Variants in SKAP1 observed in about 807,000 individuals in gnomAD.
The protein encoded by SKAP1 is src kinase-associated phosphoprotein 1.
SKAP1 carries 44 observed loss-of-function variants against 58.5 expected under a neutral mutation model. The observed-to-expected ratio is 0.75, with a 90% CI of 0.59 to 0.97. The LOEUF (loss-of-function observed/expected upper bound fraction) is 0.97. Among genes scored for constraint, SKAP1 ranks in the 50% least tolerant of loss-of-function variants. The pLI is 0.00. For synonymous variants in SKAP1, 127 were observed against 149.7 expected, an observed-to-expected ratio of 0.85 and a Z score of 1.11; for missense variants, 390 against 435.2, an observed-to-expected ratio of 0.90 and a Z score of 0.92.
At chr17:48,277,536 T>C (rs2065715761) in intron 4 of SKAP1, among the ~76,000 whole-genome samples, 1 of 152,216 alleles carries the variant, frequency 6.6e-6, no homozygotes, top group Non-Finnish European at 1.5e-5. Flanking sequence ...AACAGCCTTT[T>C]CAATTCCCAC....
the SKAP1 span, among the ~76,000 whole-genome samples, chr17:48,436,077 C>T: frequency 1.4e-5 from 2 of 146,806 alleles, no homozygotes; most frequent in Admixed American, 6.8e-5. Context: ...AATGTCTATT[C>T]TTTTTTTTTT....
intron 4 of SKAP1, among the ~76,000 whole-genome samples, chr17:48,303,370 C>T (rs932597307): frequency 2.0e-5 from 3 of 152,228 alleles, no homozygotes; most frequent in African/African-American, 7.2e-5. Flanking sequence ...TTTCTCATCT[C>T]AACCACTTCA....
At chr17:48,268,897 A>G (rs1476973239) in intron 4 of SKAP1, among the ~76,000 whole-genome samples, 1 of 152,186 alleles carries the variant, frequency 6.6e-6, no homozygotes, top group East Asian at 1.9e-4. Context: ...TAAAGGGGTG[A>G]AAATAGCATT....
chr17:48,236,355 G>A (rs966792225), intron 4 of SKAP1, among the ~76,000 whole-genome samples: 28 of 152,222 alleles, frequency 1.8e-4, no homozygotes, highest in Admixed American at 1.6e-3. Flanking sequence ...TTCTTTGGGA[G>A]CACAGAGAGG....
At chr17:48,201,616 G>A (rs1323687968) in intron 4 of SKAP1, among the ~76,000 whole-genome samples, 1 of 151,958 alleles carries the variant, frequency 6.6e-6, no homozygotes, top group Non-Finnish European at 1.5e-5. Context: ...TGAACTCCTG[G>A]TCTCAAACTT....
At chr17:48,314,164 A>G (rs1021527624) in intron 4 of SKAP1, among the ~76,000 whole-genome samples, 1 of 152,236 alleles carries the variant, frequency 6.6e-6, no homozygotes, top group African/African-American at 2.4e-5. Flanking sequence ...AGAGTAAACA[A>G]AGAAGAAATT....
chr17:48,217,689 A>G (rs965121678), intron 4 of SKAP1, among the ~76,000 whole-genome samples: 4 of 152,104 alleles, frequency 2.6e-5, no homozygotes, highest in Non-Finnish European at 5.9e-5. Flanking sequence ...TAAAAATTAT[A>G]TGGAGTCCAC....
intron 4 of SKAP1, chr17:48,307,962 A>G (rs1180313091): frequency 2.0e-5 from 3 of 152,206 alleles, no homozygotes; most frequent in Non-Finnish European, 2.9e-5. Flanking sequence ...TACTTTGAAC[A>G]TAGCAAGTCC....
intron 4 of SKAP1, among the ~76,000 whole-genome samples, chr17:48,337,788 C>A (rs192266928): frequency 2.0e-5 from 3 of 152,184 alleles, no homozygotes; most frequent in East Asian, 3.9e-4. Flanking sequence ...CTGAAACTTG[C>A]AAGAAATCAT....
intron 6 of SKAP1, among the ~76,000 whole-genome samples, chr17:48,187,547 T>C (rs2064474180): frequency 1.4e-5 from 2 of 144,280 alleles, no homozygotes; most frequent in Non-Finnish European, 2.9e-5. Context: ...GTTCTTTTTA[T>C]TTTTTTTAAA....
intron 2 of SKAP1, among the ~76,000 whole-genome samples, chr17:48,394,596 C>A (rs2067392281): frequency 6.6e-6 from 1 of 152,206 alleles, no homozygotes; most frequent in Non-Finnish European, 1.5e-5. Context: ...TGGCCTCAGC[C>A]TCCCAAAGTG....
the SKAP1 span, among the ~76,000 whole-genome samples, chr17:48,439,025 A>G: frequency 1.1e-3 from 168 of 152,374 alleles, no homozygotes; most frequent in African/African-American, 3.8e-3. Flanking sequence ...TAGAAACTAA[A>G]TCAAACAGAT....
intron 1 of SKAP1, among the ~76,000 whole-genome samples, chr17:48,421,557 G>C (rs2067794034): frequency 6.6e-6 from 1 of 152,004 alleles, no homozygotes; most frequent in African/African-American, 2.4e-5. Flanking sequence ...TACCCACCTT[G>C]GCCTCCCGAA....
intron 11 of SKAP1, 112 bp from the exon 12 acceptor site, chr17:48,137,449 A>T (rs1439605259): frequency 3.7e-5 from 26 of 695,486 alleles, no homozygotes; most frequent in Non-Finnish European, 5.8e-5. Context: ...TGCCATTATC[A>T]CTGTGAACTG....
chr17:48,368,201 C>T (rs2067035003), intron 2 of SKAP1, among the ~76,000 whole-genome samples: 1 of 152,178 alleles, frequency 6.6e-6, no homozygotes, highest in South Asian at 2.1e-4. Flanking sequence ...CAGATTAGTC[C>T]CTGCTGGACA....
At chr17:48,274,793 C>T (rs1378454124) in intron 4 of SKAP1, among the ~76,000 whole-genome samples, 1 of 152,144 alleles carries the variant, frequency 6.6e-6, no homozygotes, top group African/African-American at 2.4e-5. Flanking sequence ...TTTCCTGCCT[C>T]AGCCTCCTGA....
intron 4 of SKAP1, among the ~76,000 whole-genome samples, chr17:48,273,806 C>T: frequency 6.6e-6 from 1 of 152,268 alleles, no homozygotes; most frequent in East Asian, 1.9e-4. Flanking sequence ...TAATTGTCAC[C>T]TGCAGCTTGT....
At chr17:48,248,362 T>C (rs990708561) in intron 4 of SKAP1, among the ~76,000 whole-genome samples, 1 of 152,084 alleles carries the variant, frequency 6.6e-6, no homozygotes, top group Non-Finnish European at 1.5e-5. Flanking sequence ...TGATCAGCAG[T>C]TCGAGACCAG....
At chr17:48,269,370 C>G (rs2065597780) in intron 4 of SKAP1, among the ~76,000 whole-genome samples, 1 of 152,080 alleles carries the variant, frequency 6.6e-6, no homozygotes, top group South Asian at 2.1e-4. Flanking sequence ...GACTAGAGAT[C>G]TATACTAGTC....
Sources: allele counts gnomAD v4.1 joint callset (sites outside exome capture counted in the v4.1 genomes callset), GRCh38; gene constraint gnomAD v4.1.1; transcripts MANE v1.5; gene names NCBI Gene and HGNC (gene_info 2026-07-23, HGNC 2026-07-21).